CALD1: variants seen among roughly 807,000 people sequenced by gnomAD.
The protein encoded by CALD1 is caldesmon.
A neutral mutation model predicts 99.9 loss-of-function variants in CALD1; 33 were observed. The observed-to-expected ratio is 0.33, with a 90% CI of 0.25 to 0.44. CALD1 has a LOEUF of 0.44. CALD1 is among the 20% of genes least tolerant of loss of function. The pLI is 1.00. For synonymous variants in CALD1, 310 were observed against 325.0 expected (o/e 0.95, Z 0.50); for missense variants, 861 against 962.1 (o/e 0.89, Z 1.39).
intron 3 of CALD1, among the ~76,000 whole-genome samples, chr7:134,919,369 T>G (rs904874599): frequency 6.6e-6 from 1 of 152,208 alleles, no homozygotes; most frequent in Admixed American, 6.5e-5. Context: ...TGCTATGGTA[T>G]GTGTAGACAC....
Position 134,883,833 on chromosome 7 carries a change from C to T in CALD1, c.71+16029C>T, listed in dbSNP as rs367607188. On this transcript the variant is annotated intron_variant, in intron 3 of 14. Coordinates refer to ENST00000361675, the MANE Select transcript of CALD1 (RefSeq NM_033138.4). ...GAAAGAATGGCCAGTAGAAGCTGGC[C>T]GCGGTGGCTCACGCCTGTAATCCCA... Among the ~76,000 whole-genome samples the T allele has an allele frequency of 3.2e-4, 49 of 152,042 alleles. 1 individual carries two copies. The highest frequency in any genetic ancestry group is 8.7e-4 in the African/African-American group (36 of 41,436).
At position 134,886,923 on chromosome 7, in the gene CALD1, G is replaced by A. The variant is rs1485612449; in HGVS notation, c.71+19119G>A. ...ATCTTTGCATCCCCCACAGCACTTA[G>A]TGCAATGACTTGCTTGTAGTAAACA... On this transcript the variant is annotated intron_variant, in intron 3 of 14. Transcript: ENST00000361675. 2.6e-5 allele frequency among the ~76,000 whole-genome samples: 4 copies of A among 152,142 alleles called. No homozygotes were observed. The East Asian group carries it at 5.8e-4, about 22-fold the overall frequency.
chr7:134,951,905 T>C (rs1270250766), intron 9 of CALD1, among the ~76,000 whole-genome samples: 1 of 152,220 alleles, frequency 6.6e-6, no homozygotes, highest in African/African-American at 2.4e-5. Flanking sequence ...AAATGATGAA[T>C]AAAGGAATGA....
In CALD1 at chr7:134,928,428, CAAAAAAAAAA is replaced by C. The variant is rs11355152; in HGVS notation, c.72-307_72-298del. ...CGGGTGACAGTGCAAGACTGGGTCTCAAAAAAAAAAAAAAAAAAAAAAAAAAAACTAACCC... is the reference window on the plus strand; with the variant it reads ...CGGGTGACAGTGCAAGACTGGGTCTCAAAAAAAAAAAAAAAAAACTAACCC... On this transcript the variant is annotated intron_variant, in intron 3 of 14. Transcript: ENST00000361675. 2.2e-4 allele frequency among the ~76,000 whole-genome samples: 12 copies of C among 55,658 alleles called. No homozygotes were observed. In the East Asian group the frequency reaches 5.5e-3, roughly 26 times the overall value. 36.5% of individuals were successfully genotyped at this position (55,658 alleles called of 152,430 possible).
intron 10 of CALD1, 23 bp from the exon 11 acceptor site, chr7:134,958,186 T>A: frequency 6.2e-7 from 1 of 1,612,054 alleles, no homozygotes; most frequent in East Asian, 2.2e-5. Flanking sequence ...CATATTTTTA[T>A]ATGTATGTGT....
intron 1 of CALD1, among the ~76,000 whole-genome samples, chr7:134,794,288 C>T (rs967341583): frequency 6.6e-6 from 1 of 152,158 alleles, no homozygotes; most frequent in Admixed American, 6.5e-5. Context: ...TGTCTAGGCT[C>T]GCACGGGATG....
In CALD1 at chr7:134,933,480, G is replaced by A. The variant is rs1043610696; in HGVS notation, c.711G>A (p.Glu237=). Residue 237 remains glutamate, a synonymous_variant, in exon 5 of 15, where the codon GAG becomes GAA. Transcript: ENST00000361675. The part of the protein sequence containing the change: ...SLKNGQISSE[E]PKQEEEREQG... The stretch of plus-strand genomic sequence containing the variant: ...AAAATGGGCAGATCAGTTCAGAAGA[G>A]CCTAAACAAGAGGAGGAGAGGGAAC... 6.2e-7 allele frequency: 1 copy of A among 1,613,960 alleles called. No individual in the cohort carries two copies.
chr7:134,756,373 T>C (rs12668023), intron 1 of CALD1, among the ~76,000 whole-genome samples: 102,582 of 150,200 alleles, frequency 0.68, 35,785 homozygotes, highest in East Asian at 0.99. Flanking sequence ...TTCCTATATT[T>C]GTAGGTCCAT....
chr7:134,957,520 A>C (rs1256511718), intron 9 of CALD1, among the ~76,000 whole-genome samples: 1 of 152,122 alleles, frequency 6.6e-6, no homozygotes, highest in Non-Finnish European at 1.5e-5. Flanking sequence ...CCCAGGTTCA[A>C]GCAATTCTCC....
intron 1 of CALD1, among the ~76,000 whole-genome samples, chr7:134,771,003 T>A (rs1373543356): frequency 6.6e-6 from 1 of 152,176 alleles, no homozygotes; most frequent in Non-Finnish European, 1.5e-5. Context: ...AAAAGTTAAA[T>A]AATACTATAT....
chr7:134,950,836 A>G (rs1010649549), intron 9 of CALD1, among the ~76,000 whole-genome samples: 2 of 152,162 alleles, frequency 1.3e-5, no homozygotes, highest in African/African-American at 4.8e-5. Flanking sequence ...CACACCTGTA[A>G]TAATCTCAGC....
At chr7:134,872,028 G>A (rs1232472170) in intron 3 of CALD1, among the ~76,000 whole-genome samples, 1 of 152,148 alleles carries the variant, frequency 6.6e-6, no homozygotes, top group African/African-American at 2.4e-5. Flanking sequence ...AAGGGTTTTA[G>A]CCCAGTTCAT....
At position 134,958,057 on chromosome 7, in the gene CALD1, T is replaced by C. The variant is rs1489038329; in HGVS notation, c.1936-12T>C. On this transcript the variant is annotated splice_polypyrimidine_tract_variant and intron_variant, in intron 9 of 14. Coordinates refer to ENST00000361675, the MANE Select transcript of CALD1 (RefSeq NM_033138.4). ...AATATTAATTGGGTTTATTTTCTTT[T>C]GTAATTCCTAGATAGAAGAGCGAGC... 1.9e-6 allele frequency: 3 copies of C among 1,589,414 alleles called. No individual in the cohort carries two copies. The highest frequency in any genetic ancestry group is 2.2e-5 in the South Asian group (2 of 90,506).
At chr7:134,907,048 A>G (rs545815070) in intron 3 of CALD1, among the ~76,000 whole-genome samples, 1 of 152,316 alleles carries the variant, frequency 6.6e-6, no homozygotes, top group Admixed American at 6.5e-5. Flanking sequence ...CAGATACTAT[A>G]ACTACGAAGA....
In CALD1 at chr7:134,947,760, C is replaced by A; in HGVS notation, c.1785C>A (p.Leu595=). Residue 595 remains leucine, a synonymous_variant, in exon 8 of 15, where the codon CTC becomes CTA. Coordinates refer to ENST00000361675, the MANE Select transcript of CALD1 (RefSeq NM_033138.4). The part of the protein sequence containing the change: ...RRKQEEADRK[L]REEEEKRRLK... The stretch of plus-strand genomic sequence containing the variant: ...AGCAGGAGGAAGCCGATCGAAAACT[C>A]AGAGAGGAGGTAAGGCGGGCGCTAG... 2 of 1,613,758 alleles carry A rather than the reference C, an allele frequency of 1.2e-6. No homozygotes were observed. The highest frequency in any genetic ancestry group is 1.7e-6 in the Non-Finnish European group (2 of 1,179,826).
chr7:134,865,982 A>G (rs1012385916), intron 2 of CALD1, among the ~76,000 whole-genome samples: 1 of 152,196 alleles, frequency 6.6e-6, no homozygotes, highest in African/African-American at 2.4e-5. Flanking sequence ...TGCTATTGCT[A>G]TAGTTATTCA....
chr7:134,920,312 T>C (rs767609959), intron 3 of CALD1, among the ~76,000 whole-genome samples: 12 of 125,808 alleles, frequency 9.5e-5, no homozygotes, highest in African/African-American at 1.5e-4. Context: ...AATGAAAGTA[T>C]GTGTGAGTCA....
chr7:134,833,108 C>T (rs925926657), intron 1 of CALD1, among the ~76,000 whole-genome samples: 1 of 152,182 alleles, frequency 6.6e-6, no homozygotes, highest in Admixed American at 6.5e-5. Flanking sequence ...CAAGAATTCC[C>T]CAACAGTTAT....
At chr7:134,923,772 T>C (rs1586318329) in intron 3 of CALD1, among the ~76,000 whole-genome samples, 1 of 152,226 alleles carries the variant, frequency 6.6e-6, no homozygotes, top group East Asian at 1.9e-4. Context: ...GAAATTAGCT[T>C]TCATGCATTA....
Sources: allele counts gnomAD v4.1 joint callset (sites outside exome capture counted in the v4.1 genomes callset), GRCh38; gene constraint gnomAD v4.1.1; transcripts MANE v1.5; gene names NCBI Gene and HGNC (gene_info 2026-07-23, HGNC 2026-07-21).